The following PLCB1 variants were observed in gnomAD, a reference collection of about 807,000 sequenced individuals.
PLCB1 encodes the protein 1-phosphatidylinositol 4,5-bisphosphate phosphodiesterase beta-1.
A neutral mutation model predicts 161.8 loss-of-function variants in PLCB1; 46 were observed. The ratio of observed to expected loss-of-function variants is 0.28; its 90% CI spans 0.22 to 0.36. The LOEUF (loss-of-function observed/expected upper bound fraction) is 0.36. Ranked by LOEUF, PLCB1 falls within the 10% of genes least tolerant of loss-of-function variation. The pLI is 1.00. For synonymous variants in PLCB1, 517 were observed against 503.7 expected, an observed-to-expected ratio of 1.03 and a Z score of -0.35; for missense variants, 1,016 against 1,472.5, an observed-to-expected ratio of 0.69 and a Z score of 5.07.
intron 2 of PLCB1, among the ~76,000 whole-genome samples, chr20:8,317,173 A>T (rs1429442705): frequency 6.6e-6 from 1 of 152,144 alleles, no homozygotes; most frequent in Non-Finnish European, 1.5e-5. Flanking sequence ...AAGAATGGGG[A>T]TGAGAAGTGG....
chr20:8,812,505 C>T (rs1016158317), intron 31 of PLCB1, among the ~76,000 whole-genome samples: 5 of 152,240 alleles, frequency 3.3e-5, no homozygotes, highest in South Asian at 2.1e-4. Context: ...AACTGAAGTC[C>T]GCTGGACTCA....
At chr20:8,355,398 C>T (rs902834033) in intron 2 of PLCB1, among the ~76,000 whole-genome samples, 1 of 152,022 alleles carries the variant, frequency 6.6e-6, no homozygotes, top group Non-Finnish European at 1.5e-5. Context: ...TTTCTTCTAC[C>T]TGGTGATTTA....
intron 2 of PLCB1, among the ~76,000 whole-genome samples, chr20:8,159,857 C>T (rs1397496688): frequency 6.6e-6 from 1 of 151,888 alleles, no homozygotes; most frequent in African/African-American, 2.4e-5. Context: ...CAGGGTGGCA[C>T]ATGCCTGTAA....
At chr20:8,193,716 C>T (rs1246437463) in intron 2 of PLCB1, among the ~76,000 whole-genome samples, 1 of 151,940 alleles carries the variant, frequency 6.6e-6, no homozygotes, top group Admixed American at 6.6e-5. Context: ...ATAAGAATGG[C>T]AAGGACTGCT....
intron 3 of PLCB1, among the ~76,000 whole-genome samples, chr20:8,588,776 A>G (rs1171779825): frequency 6.6e-6 from 1 of 152,148 alleles, no homozygotes; most frequent in Non-Finnish European, 1.5e-5. Context: ...GCTACCAAGT[A>G]TGGTGTTATG....
chr20:8,867,559 T>C (rs1374647729), intron 31 of PLCB1, among the ~76,000 whole-genome samples: 1 of 152,236 alleles, frequency 6.6e-6, no homozygotes, highest in Non-Finnish European at 1.5e-5. Flanking sequence ...TGATTTTTTT[T>C]CAGGGTTTGT....
chr20:8,267,594 C>T (rs573669627), intron 2 of PLCB1, among the ~76,000 whole-genome samples: 2 of 152,292 alleles, frequency 1.3e-5, no homozygotes, highest in South Asian at 4.1e-4. Flanking sequence ...TTTTAGAAAA[C>T]TCAACCTGAA....
At chr20:8,379,623 C>A (rs1381050364) in intron 3 of PLCB1, among the ~76,000 whole-genome samples, 1 of 152,124 alleles carries the variant, frequency 6.6e-6, no homozygotes, top group Non-Finnish European at 1.5e-5. Context: ...ATTGTTTCTT[C>A]ACTTTTTAAT....
At chr20:8,386,196 G>C (rs1439166457) in intron 3 of PLCB1, among the ~76,000 whole-genome samples, 2 of 152,148 alleles carry the variant, frequency 1.3e-5, no homozygotes, top group African/African-American at 4.8e-5. Context: ...CTAGAATGGT[G>C]AATTAAGGTT....
At chr20:8,166,170 C>T (rs1460947642) in intron 2 of PLCB1, among the ~76,000 whole-genome samples, 1 of 152,158 alleles carries the variant, frequency 6.6e-6, no homozygotes, top group East Asian at 1.9e-4. Flanking sequence ...CAAGCTTCTT[C>T]AAAGACCTGC....
chr20:8,558,825 G>A (rs1286867024), intron 3 of PLCB1, among the ~76,000 whole-genome samples: 1 of 151,752 alleles, frequency 6.6e-6, no homozygotes, highest in Non-Finnish European at 1.5e-5. Context: ...TGTCAACCAA[G>A]AATTGTATAC....
At chr20:8,695,339 C>T (rs1990561628) in intron 10 of PLCB1, among the ~76,000 whole-genome samples, 1 of 152,206 alleles carries the variant, frequency 6.6e-6, no homozygotes, top group Admixed American at 6.5e-5. Flanking sequence ...CCACGGGGCA[C>T]ATCTTGTCCA....
chr20:8,618,820 C>T (rs1173448639), intron 3 of PLCB1, among the ~76,000 whole-genome samples: 1 of 152,108 alleles, frequency 6.6e-6, no homozygotes, highest in Non-Finnish European at 1.5e-5. Flanking sequence ...CAAACCTTAT[C>T]AAGGCTTTGA....
intron 2 of PLCB1, among the ~76,000 whole-genome samples, chr20:8,293,894 A>G (rs1983503552): frequency 6.6e-6 from 1 of 152,176 alleles, no homozygotes; most frequent in African/African-American, 2.4e-5. Flanking sequence ...GAAGTAAGGG[A>G]CTAGAGAAAG....
At chr20:8,381,088 A>G (rs1987238589) in intron 3 of PLCB1, among the ~76,000 whole-genome samples, 1 of 152,160 alleles carries the variant, frequency 6.6e-6, no homozygotes, top group African/African-American at 2.4e-5. Flanking sequence ...TTTGTCATAA[A>G]TAGCTCTTAT....
chr20:8,162,387 C>T (rs1470797654), intron 2 of PLCB1, among the ~76,000 whole-genome samples: 2 of 152,160 alleles, frequency 1.3e-5, no homozygotes, highest in African/African-American at 4.8e-5. Flanking sequence ...GATACAAAGG[C>T]AGATGTTATC....
At chr20:8,862,345 G>A (rs577366803) in intron 31 of PLCB1, among the ~76,000 whole-genome samples, 70 of 152,326 alleles carry the variant, frequency 4.6e-4, no homozygotes, top group African/African-American at 1.7e-3. Flanking sequence ...AGCGGAAAAT[G>A]AATGTGTATC....
At chr20:8,856,879 A>G (rs1243452803) in intron 31 of PLCB1, among the ~76,000 whole-genome samples, 2 of 152,202 alleles carry the variant, frequency 1.3e-5, no homozygotes, top group Non-Finnish European at 2.9e-5. Flanking sequence ...TTCCACCACA[A>G]AACTCAGGGG....
At chr20:8,276,948 TTC>T (rs1982585260) in intron 2 of PLCB1, among the ~76,000 whole-genome samples, 1 of 105,338 alleles carries the variant, frequency 9.5e-6, no homozygotes, top group Non-Finnish European at 2.0e-5. Context: ...CTTCTTCTTC[TTC>T]TTCTTCTTCT....
Sources: gnomAD v4.1 joint callset for allele counts (sites outside exome capture counted in the v4.1 genomes callset) on GRCh38, gnomAD v4.1.1 for gene constraint, MANE v1.5 for transcripts, NCBI Gene and HGNC (gene_info 2026-07-23, HGNC 2026-07-21) for gene names.